The following NRXN3 variants were observed in gnomAD, a reference collection of about 807,000 sequenced individuals.
NRXN3 encodes neurexin III.
Under a neutral mutation model 137.6 loss-of-function variants are expected in NRXN3, and 32 were observed. The ratio of observed to expected loss-of-function variants is 0.23; its 90% confidence interval spans 0.18 to 0.31. NRXN3 has a LOEUF of 0.31. Ranked by LOEUF, NRXN3 falls within the 10% of genes least tolerant of loss-of-function variation. The pLI, the probability that NRXN3 is intolerant of heterozygous loss-of-function variation, is 1.00. For missense variants in NRXN3, 1,574 were observed against 2,062.5 expected (o/e 0.76, Z 4.59); for synonymous variants, 798 against 784.5 (o/e 1.02, Z -0.29).
chr14:78,755,907 G>T (rs1055185337), intron 8 of NRXN3, among the ~76,000 whole-genome samples: 15 of 152,206 alleles, frequency 9.9e-5, no homozygotes, highest in Admixed American at 9.8e-4. Flanking sequence ...TCTAAAAAAT[G>T]CTAGGCAGGC....
intron 19 of NRXN3, among the ~76,000 whole-genome samples, chr14:79,709,346 T>TAAGTG (rs1176338175): frequency 6.6e-6 from 1 of 152,150 alleles, no homozygotes; most frequent in East Asian, 1.9e-4. Flanking sequence ...AGTATTAATG[T>TAAGTG]AAGTGAAAGG....
intron 16 of NRXN3, among the ~76,000 whole-genome samples, chr14:79,618,680 G>T (rs889215238): frequency 1.3e-5 from 2 of 151,926 alleles, no homozygotes; most frequent in African/African-American, 4.8e-5. Flanking sequence ...TATCTTTTTT[G>T]GTAAAATAAT....
intron 3 of NRXN3, among the ~76,000 whole-genome samples, chr14:78,291,975 C>T (rs947841511): frequency 6.6e-6 from 1 of 152,056 alleles, no homozygotes; most frequent in African/African-American, 2.4e-5. Flanking sequence ...TGCCAATTAC[C>T]CAGCCAGGGT....
intron 20 of NRXN3, among the ~76,000 whole-genome samples, chr14:79,858,590 G>C (rs778209992): frequency 6.6e-6 from 1 of 151,988 alleles, no homozygotes; most frequent in Non-Finnish European, 1.5e-5. Flanking sequence ...ATGACTCGGT[G>C]TTTGTGCCAG....
chr14:79,196,475 C>T (rs975132497), intron 15 of NRXN3, among the ~76,000 whole-genome samples: 1 of 152,172 alleles, frequency 6.6e-6, no homozygotes, highest in African/African-American at 2.4e-5. Flanking sequence ...CTGATCCATT[C>T]ATGAGAACAG....
chr14:79,581,308 C>T (rs1567567004), intron 16 of NRXN3, among the ~76,000 whole-genome samples: 1 of 152,176 alleles, frequency 6.6e-6, no homozygotes, highest in African/African-American at 2.4e-5. Flanking sequence ...CACCTCCAGC[C>T]TCTGCTCTAC....
intron 15 of NRXN3, among the ~76,000 whole-genome samples, chr14:79,366,980 CTTTTTTTTT>C (rs71131695): frequency 3.5e-5 from 4 of 113,204 alleles, no homozygotes; most frequent in Non-Finnish European, 7.0e-5. Flanking sequence ...GTCCCTTAGT[CTTTTTTTTT>C]TTTTTTTTTT....
intron 15 of NRXN3, among the ~76,000 whole-genome samples, chr14:79,436,884 C>A (rs917578151): frequency 6.6e-6 from 1 of 152,190 alleles, no homozygotes; most frequent in South Asian, 2.1e-4. Context: ...CCGTTATCTA[C>A]CTCCAGGCTT....
At chr14:78,940,884 T>G (rs2099351659) in intron 10 of NRXN3, among the ~76,000 whole-genome samples, 1 of 152,142 alleles carries the variant, frequency 6.6e-6, no homozygotes, top group African/African-American at 2.4e-5. Flanking sequence ...CTTCCACTGG[T>G]CCCAAGAGAG....
intron 4 of NRXN3, among the ~76,000 whole-genome samples, chr14:78,513,983 C>T (rs977991338): frequency 6.6e-6 from 1 of 152,074 alleles, no homozygotes; most frequent in Non-Finnish European, 1.5e-5. Context: ...TAATCTGTGG[C>T]CAAACTCTTG....
intron 15 of NRXN3, among the ~76,000 whole-genome samples, chr14:79,238,365 A>G (rs1361480682): frequency 6.6e-6 from 1 of 152,114 alleles, no homozygotes; most frequent in African/African-American, 2.4e-5. Context: ...CCATCTATTT[A>G]TCTATCCCTA....
rs143294683 is a variant in NRXN3 at position 79,789,448 on chromosome 14, C to T, written c.4015-15664C>T. On this transcript the variant is annotated intron_variant, in intron 19 of 20. Coordinates refer to ENST00000335750, the MANE Select transcript of NRXN3 (RefSeq NM_001330195.2). Reference sequence around the variant, plus strand: ...GAATTCAGGGTGAGTTCACAGGGTACAGTGAAAGCAAGTTTCTTAAGAAAG... The same window carrying T: ...GAATTCAGGGTGAGTTCACAGGGTATAGTGAAAGCAAGTTTCTTAAGAAAG... Among the ~76,000 whole-genome samples the T allele has an allele frequency of 1.1e-3, 164 of 152,216 alleles. 2 individuals are homozygous for T. Among genetic ancestry groups the T allele is most frequent in the African/African-American group, 1.7e-3 (71 of 41,526 alleles).
chr14:78,787,302 C>T (rs1353957914), intron 8 of NRXN3, among the ~76,000 whole-genome samples: 1 of 152,146 alleles, frequency 6.6e-6, no homozygotes, highest in East Asian at 1.9e-4. Context: ...TGGAAGCACC[C>T]ACATTCTAGT....
intron 16 of NRXN3, among the ~76,000 whole-genome samples, chr14:79,597,149 T>C (rs1397362806): frequency 2.0e-5 from 3 of 152,272 alleles, no homozygotes. Flanking sequence ...CAAAAGATTG[T>C]CCCTGGTTGT....
chr14:79,459,669 T>G (rs78796769), intron 15 of NRXN3, among the ~76,000 whole-genome samples: 2 of 151,976 alleles, frequency 1.3e-5, no homozygotes, highest in African/African-American at 2.4e-5. Flanking sequence ...GTGAAAAATA[T>G]AGAGTTTTGA....
In NRXN3 at chr14:79,786,630, G is replaced by A. The variant is rs1164035480; in HGVS notation, c.4015-18482G>A. On this transcript the variant is annotated intron_variant, in intron 19 of 20. Coordinates refer to ENST00000335750, the MANE Select transcript of NRXN3 (RefSeq NM_001330195.2). ...CCTTGTGTGTTAATGTGTGCTGTGC[G>A]ACTAGCACTATTTAAATCCTATCCC... Among the ~76,000 whole-genome samples the A allele has an allele frequency of 3.9e-5, 6 of 152,146 alleles. No homozygotes were observed. The South Asian group carries it at 8.3e-4, about 21-fold the overall frequency.
intron 4 of NRXN3, among the ~76,000 whole-genome samples, chr14:78,389,079 A>G (rs1460105591): frequency 6.8e-6 from 1 of 147,204 alleles, no homozygotes; most frequent in African/African-American, 2.5e-5. Context: ...TTTGTTTGAG[A>G]CGGAGTTGCT....
chr14:79,801,343 G>C (rs1290901103), intron 19 of NRXN3, among the ~76,000 whole-genome samples: 1 of 152,166 alleles, frequency 6.6e-6, no homozygotes, highest in Admixed American at 6.5e-5. Flanking sequence ...CCATAAAATG[G>C]AAGTAATGAA....
chr14:78,311,941 A>G (rs2078028526), intron 4 of NRXN3, among the ~76,000 whole-genome samples: 1 of 152,192 alleles, frequency 6.6e-6, no homozygotes, highest in Non-Finnish European at 1.5e-5. Context: ...TTTGTGGATG[A>G]CAGAACATGC....
Sources: gnomAD v4.1 joint callset for allele counts (sites outside exome capture counted in the v4.1 genomes callset) on GRCh38, gnomAD v4.1.1 for gene constraint, MANE v1.5 for transcripts, NCBI Gene and HGNC (gene_info 2026-07-23, HGNC 2026-07-21) for gene names.